Variants in ITSN1 observed in about 807,000 individuals in gnomAD.
ITSN1 encodes the protein intersectin 1, also known as intersectin-1.
ITSN1 carries 58 observed loss-of-function variants against 239.8 expected under a neutral mutation model. The observed-to-expected ratio is 0.24, with a 90% CI of 0.20 to 0.30. The LOEUF (loss-of-function observed/expected upper bound fraction) is 0.30, where lower values mean the gene tolerates loss of function less well. Among genes scored for constraint, ITSN1 ranks in the 10% least tolerant of loss-of-function variants. The probability of loss-of-function intolerance (pLI) is 1.00; values close to 1 mark genes in which losing one functional copy is unlikely to be tolerated. For synonymous variants in ITSN1, 780 were observed against 770.8 expected, an observed-to-expected ratio of 1.01 and a Z score of -0.20; for missense variants, 1,558 against 2,103.3, an observed-to-expected ratio of 0.74 and a Z score of 5.07.
rs966634664 is a variant in ITSN1, at chr21:33,899,579, C to A, written c.*11279C>A. 2.6e-5 allele frequency: 4 copies of A among 152,144 alleles called. No homozygotes were observed. Among genetic ancestry groups the A allele is most frequent in the Non-Finnish European group, 5.9e-5 (4 of 68,000 alleles). The allele number at this position is 152,144 out of a possible 1,614,324, so 9.4% of individuals were successfully genotyped here. A position where few individuals can be genotyped will look rare whatever the true frequency, so the allele number is the denominator to read the frequency against. On this transcript the variant is annotated 3_prime_UTR_variant, in exon 40 of 40. Coordinates refer to ENST00000381318, the MANE Select transcript of ITSN1 (RefSeq NM_003024.3). ...AAGCAGGGCCAAAACATTGTTTCTT[C>A]TTTTTTGTTTGAAAGAAGCTGAGGT...
intron 7 of ITSN1, chr21:33,754,040 A>C (rs953603994): frequency 2.0e-5 from 3 of 152,162 alleles, no homozygotes; most frequent in Non-Finnish European, 2.9e-5. Flanking sequence ...GGAATTTGGC[A>C]GAAAACTCTG....
intron 33 of ITSN1, among the ~76,000 whole-genome samples, chr21:33,869,031 C>G (rs1222789883): frequency 6.6e-6 from 1 of 151,912 alleles, no homozygotes; most frequent in Non-Finnish European, 1.5e-5. Flanking sequence ...CTGTGCCTTT[C>G]TCCCTTGACT....
intron 4 of ITSN1, among the ~76,000 whole-genome samples, chr21:33,725,983 TTTTG>T (rs904159908): frequency 3.9e-5 from 6 of 152,132 alleles, no homozygotes; most frequent in Non-Finnish European, 5.9e-5. Flanking sequence ...GCCTAGGTTT[TTTTG>T]TTTGTTTGTT....
At chr21:33,702,570 A>G (rs767187397) in intron 1 of ITSN1, among the ~76,000 whole-genome samples, 1 of 152,192 alleles carries the variant, frequency 6.6e-6, no homozygotes, top group African/African-American at 2.4e-5. Flanking sequence ...TTTATTCCAC[A>G]TGGTTAAATT....
At chr21:33,804,224 C>CA (rs1272453355) in intron 20 of ITSN1, among the ~76,000 whole-genome samples, 1 of 152,110 alleles carries the variant, frequency 6.6e-6, no homozygotes, top group Non-Finnish European at 1.5e-5. Flanking sequence ...AACATTGTGA[C>CA]AGTGTTTTTT....
At position 33,784,216 on chromosome 21, in the gene ITSN1, G is replaced by A. The variant is rs534781090; in HGVS notation, c.1824+2083G>A. 2.0e-5 allele frequency among the ~76,000 whole-genome samples: 3 copies of A among 152,074 alleles called. No individual in the cohort carries two copies. The South Asian group carries it at 6.2e-4, about 32-fold the overall frequency. ...AGGTCGGGTGTGGTGGCATGTGCCT[G>A]TAATCCCAGCACTTTGGGAGGCAGG... On this transcript the variant is annotated intron_variant, in intron 16 of 39. Coordinates refer to ENST00000381318, the MANE Select transcript of ITSN1 (RefSeq NM_003024.3).
chr21:33,885,534 A>G lies in ITSN1; in HGVS notation c.4843+12A>G, dbSNP rs1985639569. 6.2e-7 allele frequency: 1 copy of G among 1,612,396 alleles called. No homozygotes were observed. The highest frequency in any genetic ancestry group is 1.7e-5 in the Admixed American group (1 of 60,000). On this transcript the variant is annotated intron_variant, in intron 38 of 39. Transcript: ENST00000381318. ...CTGTCGGTCACATGGTAAGGCTGTG[A>G]GGCGCCCCCGGCTCCTGCTTTGGGG... is the stretch of plus-strand genomic sequence containing the variant.
intron 34 of ITSN1, among the ~76,000 whole-genome samples, chr21:33,881,799 AG>A (rs1984959739): frequency 6.6e-6 from 1 of 152,080 alleles, no homozygotes; most frequent in African/African-American, 2.4e-5. Flanking sequence ...TGGGCAAAGT[AG>A]GGAGACCCCA....
intron 1 of ITSN1, among the ~76,000 whole-genome samples, chr21:33,666,764 T>G (rs2089959262): frequency 6.6e-6 from 1 of 152,192 alleles, no homozygotes; most frequent in South Asian, 2.1e-4. Flanking sequence ...CAGGTTATTT[T>G]CATAGTAATT....
intron 14 of ITSN1, among the ~76,000 whole-genome samples, chr21:33,779,022 C>A (rs1569161830): frequency 6.6e-6 from 1 of 151,942 alleles, no homozygotes. Flanking sequence ...TCTCTCCTTT[C>A]TCCTACTCTA....
intron 9 of ITSN1, among the ~76,000 whole-genome samples, chr21:33,763,101 C>T (rs2068468333): frequency 6.6e-6 from 1 of 151,920 alleles, no homozygotes; most frequent in Non-Finnish European, 1.5e-5. Flanking sequence ...TTGTTCAGCT[C>T]AGGACTGAAA....
intron 29 of ITSN1, among the ~76,000 whole-genome samples, chr21:33,850,448 A>G (rs2075124066): frequency 6.6e-6 from 1 of 152,126 alleles, no homozygotes. Context: ...TCGCATCTTG[A>G]GGATTTGCAA....
At chr21:33,771,732 G>A (rs1007288401) in intron 11 of ITSN1, among the ~76,000 whole-genome samples, 2 of 152,182 alleles carry the variant, frequency 1.3e-5, no homozygotes, top group African/African-American at 4.8e-5. Context: ...GAGACTCATG[G>A]TCCAGAAGAG....
intron 1 of ITSN1, among the ~76,000 whole-genome samples, chr21:33,684,654 A>C (rs1299153406): frequency 6.6e-6 from 1 of 152,128 alleles, no homozygotes; most frequent in Non-Finnish European, 1.5e-5. Flanking sequence ...ATGACCCGTC[A>C]TTCTTTTAAA....
intron 16 of ITSN1, among the ~76,000 whole-genome samples, chr21:33,785,910 C>A (rs963260624): frequency 6.6e-6 from 1 of 152,108 alleles, no homozygotes; most frequent in African/African-American, 2.4e-5. Flanking sequence ...TATTTACCAC[C>A]CAAACCAATA....
In ITSN1 at chr21:33,848,613, A is replaced by G. The variant is rs1024988226; in HGVS notation, c.3662-8123A>G. 6.6e-5 allele frequency among the ~76,000 whole-genome samples: 10 copies of G among 152,328 alleles called. No individual in the cohort carries two copies. In the East Asian group the frequency reaches 1.7e-3, roughly 26 times the overall value. On this transcript the variant is annotated intron_variant, in intron 29 of 39. Transcript: ENST00000381318. ...TGTCTGTTCAGTGGGGGATAACAAC[A>G]GTATAGCTACCGCATAGGATTCCTG...
intron 4 of ITSN1, among the ~76,000 whole-genome samples, chr21:33,731,249 T>A (rs993397760): frequency 1.3e-5 from 2 of 152,116 alleles, no homozygotes; most frequent in African/African-American, 4.8e-5. Context: ...CCTAACCTAC[T>A]CATTATCCCA....
At chr21:33,884,661 G>A (rs1463547376) in intron 36 of ITSN1, among the ~76,000 whole-genome samples, 3 of 152,186 alleles carry the variant, frequency 2.0e-5, no homozygotes, top group Non-Finnish European at 4.4e-5. Flanking sequence ...AGTGGTTTTT[G>A]TTCTTTCTTT....
intron 31 of ITSN1, among the ~76,000 whole-genome samples, chr21:33,859,422 C>T (rs1291765731): frequency 6.6e-6 from 1 of 151,896 alleles, no homozygotes; most frequent in Admixed American, 6.6e-5. Flanking sequence ...TCGATCATCA[C>T]AAAGTCTCTT....
Sources: gnomAD v4.1 joint callset for allele counts (sites outside exome capture counted in the v4.1 genomes callset) on GRCh38, gnomAD v4.1.1 for gene constraint, MANE v1.5 for transcripts, NCBI Gene and HGNC (gene_info 2026-07-23, HGNC 2026-07-21) for gene names.